ATG2B: variants seen among roughly 807,000 people sequenced by gnomAD.
The protein encoded by ATG2B is autophagy-related protein 2 homolog B.
Under a neutral mutation model 241.3 loss-of-function variants are expected in ATG2B, and 121 were observed. That is an observed-to-expected ratio of 0.50 (90% CI 0.43 to 0.58). The LOEUF is 0.58. Among genes scored for constraint, ATG2B ranks in the 20% least tolerant of loss-of-function variants. The pLI is 0.00. For missense variants in ATG2B, 2,306 were observed against 2,491.6 expected, an observed-to-expected ratio of 0.93 and a Z score of 1.59; for synonymous variants, 858 against 876.6, an observed-to-expected ratio of 0.98 and a Z score of 0.37.
intron 1 of ATG2B, among the ~76,000 whole-genome samples, chr14:96,357,183 A>C (rs1888499773): frequency 6.6e-6 from 1 of 152,190 alleles, no homozygotes; most frequent in African/African-American, 2.4e-5. Flanking sequence ...CCTAGTTCCT[A>C]GGACCACTCA....
intron 29 of ATG2B, among the ~76,000 whole-genome samples, chr14:96,308,282 A>AT (rs71731196): frequency 9.2e-4 from 34 of 37,020 alleles, no homozygotes; most frequent in South Asian, 7.1e-3. Context: ...ATATATATAT[A>AT]TTTTTTTTTT....
rs753407019 is a variant in ATG2B, at chr14:96,345,216, T to G, written c.478+17A>C. 1 of 1,596,134 alleles carries G rather than the reference T, an allele frequency of 6.3e-7. No homozygotes were observed. The highest frequency in any genetic ancestry group is 8.5e-7 in the Non-Finnish European group (1 of 1,173,760). On this transcript the variant is annotated intron_variant, in intron 3 of 41. Coordinates refer to ENST00000359933, the MANE Select transcript of ATG2B (RefSeq NM_018036.7). The stretch of plus-strand genomic sequence containing the variant: ...AAATCAAATCTAAATTTTTGAAAAT[T>G]CTCAGTAACACCAAACCTGTTTCAA...
Position 96,309,690 on chromosome 14 carries a change from A to G in ATG2B, c.4162-96T>C, listed in dbSNP as rs913636266. The G allele has an allele frequency of 4.2e-6, 5 of 1,189,878 alleles. No homozygotes were observed. In the East Asian group the frequency reaches 1.0e-4, roughly 24 times the overall value. 73.7% of individuals were successfully genotyped at this position (1,189,878 alleles called of 1,614,324 possible). On this transcript the variant is annotated intron_variant, in intron 28 of 41. Transcript: ENST00000359933. ...ATCCCAAAAATACATTACATTGTACAAAAACATCAGAAATAGAAACCTACT... is the reference window on the plus strand; with the variant it reads ...ATCCCAAAAATACATTACATTGTACGAAAACATCAGAAATAGAAACCTACT...
At chr14:96,351,927 T>G (rs1031236280) in intron 1 of ATG2B, among the ~76,000 whole-genome samples, 1 of 150,324 alleles carries the variant, frequency 6.7e-6, no homozygotes, top group Non-Finnish European at 1.5e-5. Context: ...AAAAAAAAAT[T>G]TTTATGCTTA....
chr14:96,285,631 T>TA lies in ATG2B; in HGVS notation c.*123dup. 1 of 867,354 alleles carries TA rather than the reference T, an allele frequency of 1.2e-6. No homozygotes were observed. The highest frequency in any genetic ancestry group is 1.8e-6 in the Non-Finnish European group (1 of 562,728). The allele number at this position is 867,354 out of a possible 1,614,324, so 53.7% of individuals were successfully genotyped here. A position where few individuals can be genotyped will look rare whatever the true frequency, so the allele number is the denominator to read the frequency against. ...TTGTTTTGATGTTAAATTATTTAAC[T>TA]AAAAAATGCTTTTGTTCCTGAGATG... On this transcript the variant is annotated 3_prime_UTR_variant, in exon 42 of 42. Coordinates refer to ENST00000359933, the MANE Select transcript of ATG2B (RefSeq NM_018036.7). The surrounding 1 kb of genome is among the most constrained non-coding windows in gnomAD (Gnocchi z 4.2).
rs1887322430 is a variant in ATG2B, at chr14:96,316,687, G to T, written c.3211-4C>A. ...CCAACAGATCTCCATTATCTTGCTA[G>T]TAAAAAGATCAGAAAAACACAGAAG... On this transcript the variant is annotated splice_polypyrimidine_tract_variant and splice_region_variant and intron_variant, in intron 20 of 41. Coordinates refer to ENST00000359933, the MANE Select transcript of ATG2B (RefSeq NM_018036.7). 10 of 1,600,172 alleles carry T rather than the reference G, an allele frequency of 6.2e-6. No homozygotes were observed. The highest frequency in any genetic ancestry group is 8.5e-6 in the Non-Finnish European group (10 of 1,175,248).
intron 29 of ATG2B, 32 bp downstream of exon 29, chr14:96,309,421 T>C (rs1887088700): frequency 6.3e-7 from 1 of 1,586,100 alleles, no homozygotes; most frequent in Admixed American, 1.8e-5. Flanking sequence ...AACATTAACA[T>C]CAGTGCTCCC....
chr14:96,325,269 G>C (rs1466123395), intron 15 of ATG2B, among the ~76,000 whole-genome samples: 1 of 151,994 alleles, frequency 6.6e-6, no homozygotes, highest in Admixed American at 6.6e-5. Flanking sequence ...TGGTGATTAT[G>C]ATGACTAAAA....
At position 96,328,720 on chromosome 14, in the gene ATG2B, A is replaced by G; in HGVS notation, c.1928T>C (p.Val643Ala). Reference sequence around the variant, plus strand: ...ATGCTTATAATGAAGCTGAAGACACACAGGGGAATGGGAACCAGTTTCTTC... The same window carrying G: ...ATGCTTATAATGAAGCTGAAGACACGCAGGGGAATGGGAACCAGTTTCTTC... Reference protein sequence around the residue: ...SKEETGSHSPVCLQLHYKHSE... With the variant: ...SKEETGSHSPACLQLHYKHSE... The change falls in exon 13 of 42, where the codon GTG becomes GCG. Residue 643 changes from valine to alanine, a missense_variant. Physicochemically the swap from Val to Ala is moderately conservative, Grantham distance 64. Around this residue, in one of 2 missense-constraint regions of ATG2B, gnomAD observed 1,927 missense variants for 2,011.2 expected, o/e 0.96. Transcript: ENST00000359933. 11 of 1,612,514 alleles carry G rather than the reference A, an allele frequency of 6.8e-6. No individual in the cohort carries two copies. The highest frequency in any genetic ancestry group is 9.3e-6 in the Non-Finnish European group (11 of 1,179,446).
rs143596464 is a variant in ATG2B, at chr14:96,288,656, C to T, written c.6006+1000G>A. ...CTCAAGTAAAAGACCATCCTAGGCA[C>T]GTCTGACTGTTGTTAGAATATGACT... is the stretch of plus-strand genomic sequence containing the variant. On this transcript the variant is annotated intron_variant, in intron 41 of 41. Coordinates refer to ENST00000359933, the MANE Select transcript of ATG2B (RefSeq NM_018036.7). Among the ~76,000 whole-genome samples the T allele has an allele frequency of 7.2e-5, 11 of 152,216 alleles. No homozygotes were observed. The East Asian group carries it at 9.6e-4, about 13-fold the overall frequency.
At chr14:96,334,790 C>T (rs1266666782) in intron 6 of ATG2B, among the ~76,000 whole-genome samples, 1 of 152,168 alleles carries the variant, frequency 6.6e-6, no homozygotes, top group African/African-American at 2.4e-5. Context: ...TTGAGGAGGA[C>T]TTAAGACATA....
At chr14:96,336,588 C>A (rs1041878671) in intron 6 of ATG2B, among the ~76,000 whole-genome samples, 2 of 151,976 alleles carry the variant, frequency 1.3e-5, no homozygotes, top group Non-Finnish European at 1.5e-5. Context: ...GACATTTGTA[C>A]AAATCAACAC....
At chr14:96,360,972 CT>C (rs1888613724) in intron 1 of ATG2B, among the ~76,000 whole-genome samples, 1 of 122,860 alleles carries the variant, frequency 8.1e-6, no homozygotes, top group Non-Finnish European at 1.8e-5. Context: ...TGAAAATAAA[CT>C]GAATTTGGAA....
intron 6 of ATG2B, among the ~76,000 whole-genome samples, chr14:96,336,530 T>A: frequency 6.6e-6 from 1 of 152,262 alleles, no homozygotes; most frequent in East Asian, 1.9e-4. Flanking sequence ...AAAAGTAACA[T>A]ATATTTATAC....
intron 20 of ATG2B, 74 bp from the exon 21 acceptor site, chr14:96,316,757 C>A: frequency 7.5e-7 from 1 of 1,331,172 alleles, no homozygotes. Context: ...TTGAGATGCT[C>A]TTTGTTGATT....
intron 18 of ATG2B, among the ~76,000 whole-genome samples, chr14:96,319,692 G>A (rs796105007): frequency 3.9e-5 from 6 of 152,280 alleles, no homozygotes; most frequent in African/African-American, 1.4e-4. Flanking sequence ...TCTGAGAGCT[G>A]AATTACCAGT....
chr14:96,309,060 T>A (rs1192965067), intron 29 of ATG2B, among the ~76,000 whole-genome samples: 2 of 152,218 alleles, frequency 1.3e-5, no homozygotes, highest in Non-Finnish European at 2.9e-5. Context: ...CAACCACTTT[T>A]AAAAAGCCAA....
rs751543975 is a variant in ATG2B at position 96,305,740 on chromosome 14, G to A, written c.4582C>T (p.Pro1528Ser). 1 of 1,614,154 alleles carries A rather than the reference G, an allele frequency of 6.2e-7. No individual in the cohort carries two copies. The highest frequency in any genetic ancestry group is 8.5e-7 in the Non-Finnish European group (1 of 1,180,016). ...IVIRDNYFSL[P>S]VNKTDTSKAP... ...TTGCTCGTATCGGTCTTATTAACGG[G>A]CAGACTGAAATAATTGTCTCTTATC... The change falls in exon 31 of 42, where the codon CCC (proline) becomes TCC (serine). Residue 1528 changes from proline (P) to serine (S), a missense_variant. Pro to Ser is a moderately conservative substitution (Grantham distance 74). Transcript: ENST00000359933.
intron 9 of ATG2B, 34 bp downstream of exon 9, chr14:96,332,467 T>C (rs1470558244): frequency 6.2e-7 from 1 of 1,611,990 alleles, no homozygotes; most frequent in South Asian, 1.1e-5. Context: ...GAAGCAACTT[T>C]TCAGTCTAGA....
Sources: allele counts gnomAD v4.1 joint callset (sites outside exome capture counted in the v4.1 genomes callset), GRCh38; gene constraint gnomAD v4.1.1; regional missense constraint gnomAD v4.1.1; non-coding constraint Gnocchi (gnomAD v3.1); transcripts MANE v1.5; gene names NCBI Gene and HGNC (gene_info 2026-07-23, HGNC 2026-07-21).